The following THSD7A variants were observed in gnomAD, a reference collection of about 807,000 sequenced individuals.
The protein encoded by THSD7A is thrombospondin type-1 domain-containing protein 7A.
Under a neutral mutation model 231.3 loss-of-function variants are expected in THSD7A, and 96 were observed. The ratio of observed to expected loss-of-function variants is 0.41; its 90% CI spans 0.35 to 0.49. The LOEUF is 0.49. Ranked by LOEUF, THSD7A falls within the 20% of genes least tolerant of loss-of-function variation. The probability of loss-of-function intolerance (pLI) is 0.05; values close to 1 mark genes in which losing one functional copy is unlikely to be tolerated. For synonymous variants in THSD7A, 940 were observed against 743.3 expected (o/e 1.26, Z -4.30); for missense variants, 2,290 against 2,070.2 (o/e 1.11, Z -2.06).
At chr7:11,384,684 T>G (rs1782661143) in intron 23 of THSD7A, 1 of 152,034 alleles carries the variant, frequency 6.6e-6, no homozygotes, top group Admixed American at 6.6e-5. Flanking sequence ...TTTCTATTCT[T>G]TTAGTCTAAT....
chr7:11,824,258 T>C (rs945819298), intron 1 of THSD7A, among the ~76,000 whole-genome samples: 20 of 152,164 alleles, frequency 1.3e-4, no homozygotes, highest in African/African-American at 4.8e-4. Context: ...TTCTAAGGGA[T>C]CCTGTCCTAT....
chr7:11,510,966 T>C lies in THSD7A; in HGVS notation c.1823-28984A>G, dbSNP rs565374546. On this transcript the variant is annotated intron_variant, in intron 6 of 27. Coordinates refer to ENST00000423059, the MANE Select transcript of THSD7A (RefSeq NM_015204.3). ...AGGCAGGAGCAACAAATAAAGGGTA[T>C]TCAATTAGGAAAAGAGGAAGTCAAT... is the stretch of plus-strand genomic sequence containing the variant. 3.3e-3 allele frequency among the ~76,000 whole-genome samples: 493 copies of C among 150,130 alleles called. 1 individual carries two copies. The highest frequency in any genetic ancestry group is 0.011 in the African/African-American group (462 of 41,252).
chr7:11,746,507 C>T (rs959394987), intron 1 of THSD7A, among the ~76,000 whole-genome samples: 1 of 151,804 alleles, frequency 6.6e-6, no homozygotes, highest in African/African-American at 2.4e-5. Context: ...TTTTCATGAC[C>T]TCGACATGTT....
intron 16 of THSD7A, among the ~76,000 whole-genome samples, chr7:11,423,201 G>C (rs1309868960): frequency 6.6e-6 from 1 of 151,916 alleles, no homozygotes; most frequent in Non-Finnish European, 1.5e-5. Context: ...CTTTTTATTA[G>C]ACATAAAATT....
intron 13 of THSD7A, among the ~76,000 whole-genome samples, chr7:11,437,653 T>C (rs1225243229): frequency 1.3e-5 from 2 of 152,078 alleles, no homozygotes; most frequent in Admixed American, 6.6e-5. Flanking sequence ...TAGGACTCCA[T>C]TTCAGCTTGT....
intron 1 of THSD7A, chr7:11,820,960 C>T: frequency 9.7e-7 from 1 of 1,035,606 alleles, no homozygotes; most frequent in Non-Finnish European, 1.4e-6. Flanking sequence ...TTATGACGTT[C>T]AATATCAAGG....
At chr7:11,379,849 A>T (rs1782440682) in intron 24 of THSD7A, 137 bp from the exon 25 acceptor site, 2 of 954,064 alleles carry the variant, frequency 2.1e-6, no homozygotes, top group Non-Finnish European at 3.2e-6. Flanking sequence ...TTGACTGTGA[A>T]ATATTTGGTT....
At chr7:11,791,907 CA>C (rs1048440494) in intron 1 of THSD7A, among the ~76,000 whole-genome samples, 12 of 151,832 alleles carry the variant, frequency 7.9e-5, no homozygotes, top group African/African-American at 2.9e-4. Context: ...GGGGGCTATC[CA>C]CAGGGGCTTT....
chr7:11,446,248 G>A lies in THSD7A; in HGVS notation c.2877C>T (p.Asp959=), dbSNP rs200933206. Residue 959 remains aspartate (D), a synonymous_variant, in exon 13 of 28, where the codon GAC becomes GAT. Transcript: ENST00000423059. The surrounding 1 kb of genome is among the most constrained non-coding windows in gnomAD (Gnocchi z 4.0). The part of the protein sequence containing the change: ...PLIETQYCPC[D]KYNAQPVGNW... ...TCCCCACAGGTTGTGCATTATATTTGTCACAAGGACAATACTGAGTCTCAA... is the reference window on the plus strand; with the variant it reads ...TCCCCACAGGTTGTGCATTATATTTATCACAAGGACAATACTGAGTCTCAA... The A allele has an allele frequency of 8.9e-5, 143 of 1,613,266 alleles. 1 individual carries two copies. Among genetic ancestry groups the A allele is most frequent in the Non-Finnish European group, 1.8e-5 (21 of 1,179,570 alleles).
intron 23 of THSD7A, among the ~76,000 whole-genome samples, chr7:11,397,149 T>C (rs1783218137): frequency 6.6e-6 from 1 of 151,926 alleles, no homozygotes. Flanking sequence ...ATAAGAGCTA[T>C]TTATGTCAAA....
intron 16 of THSD7A, among the ~76,000 whole-genome samples, chr7:11,418,440 T>C (rs1461045625): frequency 1.3e-5 from 2 of 152,184 alleles, no homozygotes; most frequent in African/African-American, 4.8e-5. Context: ...TTAAGTATTA[T>C]AGCAGGAGAG....
In THSD7A at chr7:11,373,693, G is replaced by A. The variant is rs1232375264; in HGVS notation, c.*2101C>T. ...TTTGGGGACAATGACATCCTAACCT[G>A]ATGTCTTTTGTAATCTTTGCAAATA... On this transcript the variant is annotated 3_prime_UTR_variant, in exon 28 of 28. Coordinates refer to ENST00000423059, the MANE Select transcript of THSD7A (RefSeq NM_015204.3). 1 of 151,964 alleles carries A rather than the reference G, an allele frequency of 6.6e-6. No homozygotes were observed. The highest frequency in any genetic ancestry group is 1.5e-5 in the Non-Finnish European group (1 of 67,968). 9.4% of individuals were successfully genotyped at this position (151,964 alleles called of 1,614,324 possible). A position where few individuals can be genotyped will look rare whatever the true frequency, so the allele number is the denominator to read the frequency against.
chr7:11,455,457 G>T (rs1785276363), intron 11 of THSD7A, among the ~76,000 whole-genome samples: 1 of 151,814 alleles, frequency 6.6e-6, no homozygotes, highest in African/African-American at 2.4e-5. Context: ...GAGAAGATTG[G>T]GCAAAAATTA....
chr7:11,643,874 T>A lies in THSD7A; in HGVS notation c.191-6913A>T, dbSNP rs889508863. Among the ~76,000 whole-genome samples, 15 of 152,136 alleles carry A rather than the reference T, an allele frequency of 9.9e-5. No individual in the cohort carries two copies. The South Asian group carries it at 2.1e-3, about 21-fold the overall frequency. On this transcript the variant is annotated intron_variant, in intron 1 of 27. Transcript: ENST00000423059. ...CTTTTGCACACTTTCAAGCTTTTGA[T>A]ACATGTAGTATTGCAAAAGTGCCCA...
intron 4 of THSD7A, among the ~76,000 whole-genome samples, chr7:11,577,431 C>A (rs951543401): frequency 6.6e-6 from 1 of 152,094 alleles, no homozygotes; most frequent in Non-Finnish European, 1.5e-5. Context: ...ATTCTTGTGC[C>A]TCAGTCTCCT....
At chr7:11,479,530 A>G (rs939552020) in intron 7 of THSD7A, among the ~76,000 whole-genome samples, 2 of 152,218 alleles carry the variant, frequency 1.3e-5, no homozygotes, top group African/African-American at 4.8e-5. Context: ...GGAAAGACTG[A>G]CTTTTGTGTA....
intron 1 of THSD7A, among the ~76,000 whole-genome samples, chr7:11,795,782 C>T (rs1406220041): frequency 1.3e-5 from 2 of 151,178 alleles, no homozygotes; most frequent in Non-Finnish European, 3.0e-5. Context: ...GAGGAAGAGG[C>T]CCTGGGAAAT....
chr7:11,605,864 AC>A (rs1267517688), intron 2 of THSD7A, among the ~76,000 whole-genome samples: 1 of 152,130 alleles, frequency 6.6e-6, no homozygotes, highest in Non-Finnish European at 1.5e-5. Flanking sequence ...CTGCTGGCAC[AC>A]ACTGCCCCAT....
chr7:11,393,425 GA>G (rs1340906162), intron 23 of THSD7A, among the ~76,000 whole-genome samples: 1 of 152,180 alleles, frequency 6.6e-6, no homozygotes, highest in Non-Finnish European at 1.5e-5. Flanking sequence ...CAAAAAGTCT[GA>G]AAATCCAAAA....
Sources: gnomAD v4.1 joint callset for allele counts (sites outside exome capture counted in the v4.1 genomes callset) on GRCh38, gnomAD v4.1.1 for gene constraint, Gnocchi (gnomAD v3.1) non-coding constraint, MANE v1.5 for transcripts, NCBI Gene and HGNC (gene_info 2026-07-23, HGNC 2026-07-21) for gene names.